SMOC2: variants seen among roughly 807,000 people sequenced by gnomAD.
SMOC2 encodes SPARC-related modular calcium-binding protein 2.
In SMOC2, 39 loss-of-function variants were observed where a neutral mutation model predicts 61.4. The ratio of observed to expected loss-of-function variants is 0.64; its 90% confidence interval spans 0.49 to 0.83. The LOEUF (loss-of-function observed/expected upper bound fraction) is 0.83, where lower values mean the gene tolerates loss of function less well. SMOC2 is among the 40% of genes least tolerant of loss of function. The pLI, the probability that SMOC2 is intolerant of heterozygous loss-of-function variation, is 0.00. For missense variants in SMOC2, 556 were observed against 592.9 expected, an observed-to-expected ratio of 0.94 and a Z score of 0.65; for synonymous variants, 247 against 239.9, an observed-to-expected ratio of 1.03 and a Z score of -0.27.
intron 7 of SMOC2, among the ~76,000 whole-genome samples, chr6:168,597,866 G>C (rs1785371322): frequency 6.6e-6 from 1 of 152,204 alleles, no homozygotes; most frequent in South Asian, 2.1e-4. Flanking sequence ...GCGGTTGCCA[G>C]CACGCACTTA....
chr6:168,471,504 G>A (rs1781966913), intron 1 of SMOC2, among the ~76,000 whole-genome samples: 1 of 152,156 alleles, frequency 6.6e-6, no homozygotes, highest in Admixed American at 6.5e-5. Flanking sequence ...GGATACTTGG[G>A]CTAATGCTGC....
intron 11 of SMOC2, among the ~76,000 whole-genome samples, chr6:168,657,230 G>C (rs1194044977): frequency 6.6e-6 from 1 of 152,192 alleles, no homozygotes; most frequent in Admixed American, 6.5e-5. Context: ...CATCCTGAGG[G>C]GGACGAGGTC....
At chr6:168,510,128 C>T (rs1319203583) in intron 2 of SMOC2, 42 bp downstream of exon 2, 2 of 1,571,434 alleles carry the variant, frequency 1.3e-6, no homozygotes, top group Admixed American at 3.5e-5. Context: ...TGGGTACATC[C>T]ATCATCAAAA....
intron 8 of SMOC2, among the ~76,000 whole-genome samples, chr6:168,602,302 A>G (rs1185230973): frequency 6.6e-6 from 1 of 152,214 alleles, no homozygotes; most frequent in Non-Finnish European, 1.5e-5. Context: ...CATAATTGTT[A>G]TAAGTCGTTG....
intron 1 of SMOC2, among the ~76,000 whole-genome samples, chr6:168,460,479 A>G (rs944063479): frequency 3.9e-5 from 6 of 152,180 alleles, no homozygotes; most frequent in African/African-American, 1.4e-4. Context: ...ATTTAGGGGT[A>G]GAATATTGTA....
intron 12 of SMOC2, 23 bp from the exon 13 acceptor site, chr6:168,666,398 C>CT: frequency 6.2e-7 from 1 of 1,613,714 alleles, no homozygotes; most frequent in East Asian, 2.2e-5. Context: ...TATAATGTCT[C>CT]TTTTTTGTTT....
chr6:168,521,726 TA>T (rs1161106377), intron 2 of SMOC2, among the ~76,000 whole-genome samples: 1 of 152,062 alleles, frequency 6.6e-6, no homozygotes, highest in Non-Finnish European at 1.5e-5. Flanking sequence ...CTACGAAAAT[TA>T]AAAAATTTGC....
intron 9 of SMOC2, among the ~76,000 whole-genome samples, chr6:168,645,608 GT>G (rs1385428555): frequency 6.6e-6 from 1 of 152,174 alleles, no homozygotes; most frequent in Non-Finnish European, 1.5e-5. Context: ...CAACCCACAT[GT>G]GACAGCCCGG....
chr6:168,450,452 G>C (rs1249620036), intron 1 of SMOC2, among the ~76,000 whole-genome samples: 1 of 152,180 alleles, frequency 6.6e-6, no homozygotes, highest in Non-Finnish European at 1.5e-5. Context: ...CCTTATTTAA[G>C]TATTTAAACA....
intron 9 of SMOC2, among the ~76,000 whole-genome samples, chr6:168,625,437 G>A (rs926425165): frequency 6.6e-6 from 1 of 152,220 alleles, no homozygotes; most frequent in Non-Finnish European, 1.5e-5. Context: ...TTCAGGACTC[G>A]CCCAGTGTGG....
rs1781498619 is a variant in SMOC2, at chr6:168,453,024, T to A, written c.84+11570T>A. On this transcript the variant is annotated intron_variant, in intron 1 of 12. Coordinates refer to ENST00000356284, the MANE Select transcript of SMOC2 (RefSeq NM_001166412.2). The surrounding 1 kb of genome is among the most constrained non-coding windows in gnomAD (Gnocchi z 4.4). ...TCTGACAGCAGGGCCGGGGGCATAG[T>A]TCCCTGGAAGTCGGTCTTGGGAGGA... Among the ~76,000 whole-genome samples the A allele has an allele frequency of 6.6e-6, 1 of 152,164 alleles. No individual in the cohort carries two copies. Among genetic ancestry groups the A allele is most frequent in the Non-Finnish European group, 1.5e-5 (1 of 68,008 alleles).
intron 6 of SMOC2, 25 bp from the exon 7 acceptor site, chr6:168,549,104 C>G (rs1784071883): frequency 6.3e-7 from 1 of 1,596,852 alleles, no homozygotes; most frequent in African/African-American, 1.3e-5. Flanking sequence ...ATTAAAGATG[C>G]TTGTCATTTC....
At chr6:168,528,250 TTC>T (rs1324494485) in intron 4 of SMOC2, among the ~76,000 whole-genome samples, 1 of 148,584 alleles carries the variant, frequency 6.7e-6, no homozygotes, top group East Asian at 2.0e-4. Flanking sequence ...CTGTAAAATA[TTC>T]TCTTTCCCAT....
At chr6:168,628,814 G>T (rs572426635) in intron 9 of SMOC2, among the ~76,000 whole-genome samples, 32 of 152,336 alleles carry the variant, frequency 2.1e-4, no homozygotes, top group Non-Finnish European at 3.7e-4. Context: ...TTTGAGCGTG[G>T]TGCCCCGCCG....
intron 8 of SMOC2, among the ~76,000 whole-genome samples, chr6:168,601,960 A>G (rs1012885985): frequency 6.6e-6 from 1 of 152,146 alleles, no homozygotes; most frequent in African/African-American, 2.4e-5. Flanking sequence ...GTCTTTTTGG[A>G]GTTTCAGAAA....
At chr6:168,555,209 G>A (rs1182912565) in intron 7 of SMOC2, among the ~76,000 whole-genome samples, 3 of 152,194 alleles carry the variant, frequency 2.0e-5, no homozygotes, top group African/African-American at 7.2e-5. Flanking sequence ...TTAGCCAGCC[G>A]GGATGAGACT....
chr6:168,546,528 C>G (rs1003265522), intron 5 of SMOC2, among the ~76,000 whole-genome samples: 7 of 152,120 alleles, frequency 4.6e-5, no homozygotes, highest in African/African-American at 1.4e-4. Context: ...TTCCTCCATT[C>G]TCCGATCACT....
intron 9 of SMOC2, among the ~76,000 whole-genome samples, chr6:168,629,811 A>G (rs565853207): frequency 2.4e-4 from 36 of 152,348 alleles, no homozygotes; most frequent in African/African-American, 7.9e-4. Context: ...TCAGTTTAAT[A>G]GAATAGTATA....
At chr6:168,464,391 A>C (rs1365299612) in intron 1 of SMOC2, among the ~76,000 whole-genome samples, 3 of 152,106 alleles carry the variant, frequency 2.0e-5, no homozygotes, top group Admixed American at 1.3e-4. Context: ...ATTAGCTGAC[A>C]GTGACGCTGT....
Sources: allele counts gnomAD v4.1 joint callset (sites outside exome capture counted in the v4.1 genomes callset), GRCh38; gene constraint gnomAD v4.1.1; non-coding constraint Gnocchi (gnomAD v3.1); transcripts MANE v1.5; gene names NCBI Gene and HGNC (gene_info 2026-07-23, HGNC 2026-07-21).